Variants in PRKG1 observed in about 807,000 individuals in gnomAD.
PRKG1 encodes the protein protein kinase cGMP-dependent 1.
A neutral mutation model predicts 88.1 loss-of-function variants in PRKG1; 35 were observed. That is an observed-to-expected ratio of 0.40 (90% CI 0.30 to 0.53). The LOEUF is 0.53. Among genes scored for constraint, PRKG1 ranks in the 20% least tolerant of loss-of-function variants. The pLI is 0.59. For synonymous variants in PRKG1, 303 were observed against 292.5 expected (o/e 1.04, Z -0.37); for missense variants, 540 against 839.8 (o/e 0.64, Z 4.41).
chr10:51,636,129 T>C (rs1387981258), intron 3 of PRKG1, among the ~76,000 whole-genome samples: 1 of 152,162 alleles, frequency 6.6e-6, no homozygotes, highest in Non-Finnish European at 1.5e-5. Flanking sequence ...ATAAGCTGCT[T>C]TAAGTTTTTT....
At chr10:51,092,785 A>AT (rs746793004) in intron 1 of PRKG1, among the ~76,000 whole-genome samples, 1 of 152,224 alleles carries the variant, frequency 6.6e-6, no homozygotes, top group Non-Finnish European at 1.5e-5. Context: ...CAGAGACAAT[A>AT]AACTGTTCCA....
At chr10:51,963,969 C>T (rs544674676) in intron 5 of PRKG1, among the ~76,000 whole-genome samples, 2 of 152,158 alleles carry the variant, frequency 1.3e-5, no homozygotes, top group South Asian at 2.1e-4. Flanking sequence ...AAGTCTGAAA[C>T]GAATCTAACA....
intron 3 of PRKG1, among the ~76,000 whole-genome samples, chr10:51,602,732 A>ATG (rs4041278): frequency 0.016 from 2,104 of 128,730 alleles, 24 homozygotes; most frequent in Non-Finnish European, 0.018. Flanking sequence ...ATTAATATAT[A>ATG]TGTGTGTGTG....
chr10:51,652,675 T>C (rs571516486), intron 3 of PRKG1, among the ~76,000 whole-genome samples: 1 of 152,232 alleles, frequency 6.6e-6, no homozygotes, highest in South Asian at 2.1e-4. Flanking sequence ...GATATATGAA[T>C]ACATTGTGGA....
chr10:52,043,652 A>G (rs1267117198), intron 5 of PRKG1, among the ~76,000 whole-genome samples: 2 of 152,016 alleles, frequency 1.3e-5, no homozygotes, highest in African/African-American at 2.4e-5. Flanking sequence ...TTAGGTAAAA[A>G]TAATATATAT....
intron 2 of PRKG1, among the ~76,000 whole-genome samples, chr10:51,265,076 G>A (rs894900498): frequency 6.6e-6 from 1 of 151,928 alleles, no homozygotes; most frequent in Non-Finnish European, 1.5e-5. Context: ...ACCAGTAAGA[G>A]AGTTGTGCAT....
intron 5 of PRKG1, among the ~76,000 whole-genome samples, chr10:52,011,447 A>G (rs1419692844): frequency 6.6e-6 from 1 of 152,164 alleles, no homozygotes; most frequent in Non-Finnish European, 1.5e-5. Flanking sequence ...TTCCAATGGC[A>G]AAATAACTTC....
intron 5 of PRKG1, among the ~76,000 whole-genome samples, chr10:51,936,477 A>T (rs11592770): frequency 0.1 from 15,818 of 151,946 alleles, 948 homozygotes; most frequent in South Asian, 0.24. Flanking sequence ...ATGTCCTTAA[A>T]TTTTCGACAA....
intron 2 of PRKG1, among the ~76,000 whole-genome samples, chr10:51,207,583 T>G (rs1210829158): frequency 6.6e-6 from 1 of 152,096 alleles, no homozygotes; most frequent in Non-Finnish European, 1.5e-5. Context: ...TGCATTCAAC[T>G]CCACTCAGGC....
intron 2 of PRKG1, among the ~76,000 whole-genome samples, chr10:51,461,530 A>G (rs1839744739): frequency 6.6e-6 from 1 of 152,292 alleles, no homozygotes; most frequent in South Asian, 2.1e-4. Flanking sequence ...GGCTTTATTC[A>G]ATGTCCAAAG....
At position 51,203,710 on chromosome 10, in the gene PRKG1, C is replaced by T. The variant is rs969920106; in HGVS notation, c.478+50380C>T. On this transcript the variant is annotated intron_variant, in intron 2 of 17. Transcript: ENST00000373980. The stretch of plus-strand genomic sequence containing the variant: ...GCTCTCTAGGCCTCAGTTTTCAAAT[C>T]TGTAAGGCAATATTTTCTTCAAAGA... 2.6e-5 allele frequency among the ~76,000 whole-genome samples: 4 copies of T among 152,152 alleles called. 1 individual carries two copies. In the South Asian group the frequency reaches 8.3e-4, roughly 32 times the overall value.
chr10:52,086,368 C>T (rs1229983931), intron 7 of PRKG1, among the ~76,000 whole-genome samples: 1 of 150,206 alleles, frequency 6.7e-6, no homozygotes, highest in Non-Finnish European at 1.5e-5. Context: ...CTTTATTTTT[C>T]TCAGTATATT....
At chr10:52,069,301 C>G (rs11000685) in intron 7 of PRKG1, among the ~76,000 whole-genome samples, 26,322 of 152,060 alleles carry the variant, frequency 0.17, 2,878 homozygotes, top group South Asian at 0.28. Flanking sequence ...TAGGCTGAGG[C>G]AGGCAAACCA....
chr10:52,150,149 A>AAAT (rs67354776), intron 8 of PRKG1, among the ~76,000 whole-genome samples: 2,307 of 82,366 alleles, frequency 0.028, 36 homozygotes, highest in Non-Finnish European at 0.042. Flanking sequence ...CTCCATCTCA[A>AAAT]AATAATAATA....
At chr10:51,583,865 G>A (rs781519522) in intron 3 of PRKG1, among the ~76,000 whole-genome samples, 5 of 151,980 alleles carry the variant, frequency 3.3e-5, no homozygotes, top group Non-Finnish European at 4.4e-5. Context: ...TTAATGGTAT[G>A]GCATATAGTA....
chr10:51,534,189 G>T (rs1053042661), intron 3 of PRKG1, among the ~76,000 whole-genome samples: 2 of 152,124 alleles, frequency 1.3e-5, no homozygotes, highest in Non-Finnish European at 2.9e-5. Flanking sequence ...CCCAATTAAA[G>T]TTGTAATTGT....
chr10:51,298,867 G>T (rs542128693), intron 2 of PRKG1, among the ~76,000 whole-genome samples: 1 of 152,176 alleles, frequency 6.6e-6, no homozygotes. Context: ...TAGTAGGCAT[G>T]CAACAAAAGG....
At chr10:52,086,636 C>A (rs968037204) in intron 7 of PRKG1, among the ~76,000 whole-genome samples, 4 of 152,050 alleles carry the variant, frequency 2.6e-5, no homozygotes, top group Admixed American at 2.6e-4. Flanking sequence ...AACTCCTGAC[C>A]TCAAGTGATC....
intron 5 of PRKG1, among the ~76,000 whole-genome samples, chr10:51,916,627 C>T (rs866577786): frequency 2.6e-5 from 4 of 152,228 alleles, no homozygotes; most frequent in Middle Eastern, 3.4e-3. Flanking sequence ...TGGATCAGGA[C>T]CCCTTTCTTG....
Sources: gnomAD v4.1 joint callset for allele counts (sites outside exome capture counted in the v4.1 genomes callset) on GRCh38, gnomAD v4.1.1 for gene constraint, MANE v1.5 for transcripts, NCBI Gene and HGNC (gene_info 2026-07-23, HGNC 2026-07-21) for gene names.